SYNE3: variants seen among roughly 807,000 people sequenced by gnomAD.
SYNE3 encodes nesprin-3.
Under a neutral mutation model 111.2 loss-of-function variants are expected in SYNE3, and 100 were observed. That is an observed-to-expected ratio of 0.90 (90% confidence interval 0.77 to 1.06). SYNE3 has a LOEUF of 1.06. Among genes scored for constraint, SYNE3 ranks in the 50% least tolerant of loss-of-function variants. The pLI is 0.00. For missense variants in SYNE3, 1,160 were observed against 1,240.3 expected (o/e 0.94, Z 0.97); for synonymous variants, 547 against 533.9 (o/e 1.02, Z -0.34).
intron 2 of SYNE3, among the ~76,000 whole-genome samples, chr14:95,471,575 G>A (rs1888532190): frequency 6.6e-6 from 1 of 152,234 alleles, no homozygotes; most frequent in Admixed American, 6.5e-5. Flanking sequence ...AAGTTTATTG[G>A]AGGCTTGAAG....
Position 95,449,999 on chromosome 14 carries a change from G to C in SYNE3, c.1381C>G (p.Arg461Gly), listed in dbSNP as rs752841256. The C allele has an allele frequency of 3.5e-5, 54 of 1,555,088 alleles. No individual in the cohort carries two copies. The Admixed American group carries it at 6.4e-4, about 18-fold the overall frequency. Reference protein sequence around the residue: ...DLQLWKALAQRLLEVTASLPD... With the variant: ...DLQLWKALAQGLLEVTASLPD... ...AGGCTGGCAGTGACCTCCAAGAGCC[G>C]CTGGGCCAGGGCCTTCCACAGCTGC... Residue 461 changes from arginine to glycine, a missense_variant, in exon 8 of 18, where the codon CGG becomes GGG. Arg to Gly is a moderately radical substitution (Grantham distance 125). Transcript: ENST00000682763.
intron 14 of SYNE3, among the ~76,000 whole-genome samples, chr14:95,437,568 C>G (rs1055733474): frequency 2.0e-5 from 3 of 152,236 alleles, no homozygotes; most frequent in Non-Finnish European, 4.4e-5. Flanking sequence ...GCTGAGATGT[C>G]TTATCTTCCA....
At chr14:95,497,238 A>G (rs1890131109) in intron 1 of SYNE3, among the ~76,000 whole-genome samples, 2 of 152,216 alleles carry the variant, frequency 1.3e-5, no homozygotes, top group Non-Finnish European at 2.9e-5. Flanking sequence ...TTTGCTGCCA[A>G]ATAAGCTATG....
At chr14:95,472,966 T>C (rs901134581) in intron 2 of SYNE3, among the ~76,000 whole-genome samples, 1 of 152,090 alleles carries the variant, frequency 6.6e-6, no homozygotes, top group Non-Finnish European at 1.5e-5. Flanking sequence ...AAACAGGCAC[T>C]GGAGACAAGC....
At chr14:95,506,232 G>A (rs1397553937) in intron 1 of SYNE3, among the ~76,000 whole-genome samples, 1 of 152,200 alleles carries the variant, frequency 6.6e-6, no homozygotes, top group Non-Finnish European at 1.5e-5. Context: ...ACTGTATTGA[G>A]GAGGATCCTG....
Position 95,444,472 on chromosome 14 carries a change from A to T in SYNE3, c.1776+13T>A. The T allele has an allele frequency of 6.2e-7, 1 of 1,601,208 alleles. No homozygotes were observed. The highest frequency in any genetic ancestry group is 8.5e-7 in the Non-Finnish European group (1 of 1,172,350). On this transcript the variant is annotated intron_variant, in intron 10 of 17. Coordinates refer to ENST00000682763, the MANE Select transcript of SYNE3 (RefSeq NM_152592.6). ...CCTGGGCAGGAGTGATTCAGGCCTC[A>T]CAGACCCCTCACCTGCAACCTTGAG...
At chr14:95,441,682 G>T (rs8020404) in intron 11 of SYNE3, among the ~76,000 whole-genome samples, 26,721 of 152,224 alleles carry the variant, frequency 0.18, 4,231 homozygotes, top group African/African-American at 0.42. Flanking sequence ...GGCTCCTGAG[G>T]AGTGAGGACA....
chr14:95,479,159 C>T (rs1245648237), intron 1 of SYNE3, among the ~76,000 whole-genome samples: 2 of 142,198 alleles, frequency 1.4e-5, no homozygotes, highest in East Asian at 4.2e-4. Flanking sequence ...GTTTGGGAGG[C>T]TGATACGGGA....
intron 1 of SYNE3, among the ~76,000 whole-genome samples, chr14:95,514,866 C>T (rs747947885): frequency 9.2e-5 from 14 of 152,214 alleles, no homozygotes; most frequent in Non-Finnish European, 1.6e-4. Flanking sequence ...AGCCAGGGCC[C>T]CCCGGCAGCC....
chr14:95,487,422 G>A lies in SYNE3; in HGVS notation c.-14-11587C>T, dbSNP rs1347538040. 5.9e-5 allele frequency among the ~76,000 whole-genome samples: 9 copies of A among 152,138 alleles called. 1 individual carries two copies. The South Asian group carries it at 1.7e-3, about 28-fold the overall frequency. On this transcript the variant is annotated intron_variant, in intron 1 of 17. Transcript: ENST00000682763. ...GAGACCCGGAGCCGGCACTTCCACC[G>A]CGATGCCGTGTTTCACTGTCCGTGT...
At position 95,475,721 on chromosome 14, in the gene SYNE3, T is replaced by G. The variant is rs370244222; in HGVS notation, c.101A>C (p.Gln34Pro). Reference protein sequence around the residue: ...QDQLQVNDNTQGPRAALEARL... With the variant: ...QDQLQVNDNTPGPRAALEARL... ...GGCCTCCAGGGCCGCGCGGGGTCCC[T>G]GCGTGTTGTCATTGACCTGCAGCTG... is the stretch of plus-strand genomic sequence containing the variant. The change falls in exon 2 of 18, where the codon CAG (glutamine) becomes CCG (proline). Residue 34 changes from glutamine to proline, a missense_variant. Gln to Pro is a moderately conservative substitution (Grantham distance 76). Transcript: ENST00000682763. 2 of 1,604,764 alleles carry G rather than the reference T, an allele frequency of 1.2e-6. No individual in the cohort carries two copies. Among genetic ancestry groups the G allele is most frequent in the South Asian group, 2.2e-5 (2 of 89,516 alleles).
At chr14:95,421,926 T>C (rs1337406344) in intron 17 of SYNE3, among the ~76,000 whole-genome samples, 1 of 152,220 alleles carries the variant, frequency 6.6e-6, no homozygotes, top group African/African-American at 2.4e-5. Flanking sequence ...AATCTCACCC[T>C]GAGTCACTTC....
In SYNE3 at chr14:95,434,753, G is replaced by C. The variant is rs190493123; in HGVS notation, c.2539-1344C>G. On this transcript the variant is annotated intron_variant, in intron 15 of 17. Coordinates refer to ENST00000682763, the MANE Select transcript of SYNE3 (RefSeq NM_152592.6). The stretch of plus-strand genomic sequence containing the variant: ...GCTCACCGCAACCTCTGCCTCCCAG[G>C]TTCAAGCAATTCTCCTGCCTTAGCC... 1.1e-3 allele frequency among the ~76,000 whole-genome samples: 170 copies of C among 152,306 alleles called. 1 individual carries two copies. Among genetic ancestry groups the C allele is most frequent in the African/African-American group, 4.0e-3 (166 of 41,564 alleles).
intron 15 of SYNE3, among the ~76,000 whole-genome samples, chr14:95,436,364 T>C (rs1015703807): frequency 2.6e-5 from 4 of 152,096 alleles, no homozygotes; most frequent in African/African-American, 9.7e-5. Context: ...AGATGTGTAG[T>C]CCATGTCATT....
chr14:95,434,284 A>C (rs1885960957), intron 15 of SYNE3, among the ~76,000 whole-genome samples: 1 of 152,338 alleles, frequency 6.6e-6, no homozygotes, highest in Admixed American at 6.5e-5. Flanking sequence ...AACCCAGGGC[A>C]GTCAGTGCTG....
At chr14:95,501,500 A>G (rs1289378163) in intron 1 of SYNE3, among the ~76,000 whole-genome samples, 1 of 152,230 alleles carries the variant, frequency 6.6e-6, no homozygotes, top group Non-Finnish European at 1.5e-5. Context: ...CAGAGGAAAC[A>G]CTAAGCTGGA....
chr14:95,477,701 C>A (rs1401975047), intron 1 of SYNE3, among the ~76,000 whole-genome samples: 1 of 152,086 alleles, frequency 6.6e-6, no homozygotes, highest in Non-Finnish European at 1.5e-5. Flanking sequence ...GGAAACCCGT[C>A]CTGTGATTCT....
chr14:95,459,407 A>G (rs1316162671), intron 4 of SYNE3, among the ~76,000 whole-genome samples: 1 of 152,054 alleles, frequency 6.6e-6, no homozygotes, highest in Non-Finnish European at 1.5e-5. Context: ...CAAAAAATCA[A>G]TAAAAACATT....
rs544363004 is a variant in SYNE3 at position 95,467,039 on chromosome 14, T to C, written c.317+756A>G. Among the ~76,000 whole-genome samples, 10 of 152,346 alleles carry C rather than the reference T, an allele frequency of 6.6e-5. No individual in the cohort carries two copies. In the East Asian group the frequency reaches 1.9e-3, roughly 29 times the overall value. ...AACCCTGCCTCTTCACATGCCTTAG[T>C]TTCTCCATCTCTAACATGGAGGTGG... On this transcript the variant is annotated intron_variant, in intron 3 of 17. Coordinates refer to ENST00000682763, the MANE Select transcript of SYNE3 (RefSeq NM_152592.6).
Sources: allele counts gnomAD v4.1 joint callset (sites outside exome capture counted in the v4.1 genomes callset), GRCh38; gene constraint gnomAD v4.1.1; transcripts MANE v1.5; gene names NCBI Gene and HGNC (gene_info 2026-07-23, HGNC 2026-07-21).